Variants in NCAM2 observed in about 807,000 individuals in gnomAD.
The protein encoded by NCAM2 is N-CAM-2.
A neutral mutation model predicts 98.1 loss-of-function variants in NCAM2; 30 were observed. That is an observed-to-expected ratio of 0.31 (90% CI 0.23 to 0.41). NCAM2 has a LOEUF of 0.41. Among genes scored for constraint, NCAM2 ranks in the 10% least tolerant of loss-of-function variants. The probability of loss-of-function intolerance (pLI) is 1.00; values close to 1 mark genes in which losing one functional copy is unlikely to be tolerated. For missense variants in NCAM2, 867 were observed against 1,005.8 expected, an observed-to-expected ratio of 0.86 and a Z score of 1.87; for synonymous variants, 368 against 342.4, an observed-to-expected ratio of 1.07 and a Z score of -0.83.
At chr21:21,049,221 T>G (rs1180836055) in intron 1 of NCAM2, among the ~76,000 whole-genome samples, 2 of 145,448 alleles carry the variant, frequency 1.4e-5, no homozygotes, top group Non-Finnish European at 3.0e-5. Context: ...GGGTTTCACC[T>G]TGTTAGCCAG....
intron 4 of NCAM2, among the ~76,000 whole-genome samples, chr21:21,289,564 GA>G (rs918037083): frequency 9.9e-5 from 15 of 151,906 alleles, no homozygotes; most frequent in African/African-American, 3.4e-4. Context: ...GCCCAGAGGT[GA>G]AAAGCAGCAT....
chr21:21,230,899 C>T (rs2070595666), intron 1 of NCAM2, among the ~76,000 whole-genome samples: 1 of 151,288 alleles, frequency 6.6e-6, no homozygotes, highest in Non-Finnish European at 1.5e-5. Context: ...CCTACCTTCT[C>T]CCTGTAGTTG....
intron 5 of NCAM2, among the ~76,000 whole-genome samples, chr21:21,308,104 A>G (rs951576080): frequency 3.8e-4 from 57 of 151,872 alleles, no homozygotes; most frequent in Admixed American, 2.0e-4. Context: ...CACTATGTAT[A>G]GATTCAAACT....
intron 17 of NCAM2, among the ~76,000 whole-genome samples, chr21:21,535,719 TAA>T (rs1392637129): frequency 4.6e-5 from 7 of 152,086 alleles, no homozygotes; most frequent in Non-Finnish European, 1.0e-4. Flanking sequence ...ACTTTAGAAA[TAA>T]GAGGTGTACA....
intron 1 of NCAM2, among the ~76,000 whole-genome samples, chr21:21,236,732 A>G (rs1032709642): frequency 2.7e-5 from 4 of 148,202 alleles, no homozygotes; most frequent in African/African-American, 1.0e-4. Flanking sequence ...CCCATGAGAT[A>G]GATTCTCAGA....
At position 21,225,262 on chromosome 21, in the gene NCAM2, C is replaced by G. The variant is rs78139844; in HGVS notation, c.56-55316C>G. On this transcript the variant is annotated intron_variant, in intron 1 of 17. Coordinates refer to ENST00000400546, the MANE Select transcript of NCAM2 (RefSeq NM_004540.5). ...CACACACTGGGGCTTGTCAGGGGGT[C>G]GGGAGGGAGAGCATTAGGAAAGATA... Among the ~76,000 whole-genome samples, 61 of 151,808 alleles carry G rather than the reference C, an allele frequency of 4.0e-4. No homozygotes were observed. In the East Asian group the frequency reaches 0.011, roughly 28 times the overall value.
chr21:21,064,173 G>C (rs1037278049), intron 1 of NCAM2, among the ~76,000 whole-genome samples: 1 of 152,166 alleles, frequency 6.6e-6, no homozygotes, highest in Non-Finnish European at 1.5e-5. Flanking sequence ...AGGCTTTGAG[G>C]CTGGAGATAT....
At chr21:21,139,508 T>C (rs1325581044) in intron 1 of NCAM2, among the ~76,000 whole-genome samples, 1 of 152,204 alleles carries the variant, frequency 6.6e-6, no homozygotes, top group African/African-American at 2.4e-5. Flanking sequence ...GTTTTCTTTA[T>C]AGAATACAAG....
At chr21:21,225,490 T>C (rs1345636856) in intron 1 of NCAM2, among the ~76,000 whole-genome samples, 1 of 152,128 alleles carries the variant, frequency 6.6e-6, no homozygotes, top group African/African-American at 2.4e-5. Context: ...GTTTATAGAA[T>C]TTCTCAAAGC....
chr21:21,418,687 A>C (rs1346586579), intron 11 of NCAM2, 118 bp downstream of exon 11: 1 of 779,276 alleles, frequency 1.3e-6, no homozygotes, highest in Non-Finnish European at 2.3e-6. Context: ...GATCTCTTGG[A>C]GATATCAGGT....
chr21:21,276,297 A>T (rs187965036), intron 1 of NCAM2, among the ~76,000 whole-genome samples: 45 of 152,172 alleles, frequency 3.0e-4, no homozygotes, highest in Admixed American at 1.2e-3. Context: ...TAGAAGAGGG[A>T]TTTGCAAAAT....
chr21:21,282,576 A>G (rs919965721), intron 2 of NCAM2, among the ~76,000 whole-genome samples: 1 of 151,740 alleles, frequency 6.6e-6, no homozygotes, highest in Non-Finnish European at 1.5e-5. Flanking sequence ...TTCTACTACA[A>G]TGCTGACAAT....
intron 1 of NCAM2, among the ~76,000 whole-genome samples, chr21:21,109,718 A>G (rs2066418473): frequency 6.6e-6 from 1 of 152,170 alleles, no homozygotes; most frequent in South Asian, 2.1e-4. Flanking sequence ...TGATTCAATT[A>G]CAATAGTATT....
intron 1 of NCAM2, among the ~76,000 whole-genome samples, chr21:21,142,501 C>T (rs898416803): frequency 2.0e-5 from 3 of 150,948 alleles, no homozygotes; most frequent in African/African-American, 7.3e-5. Flanking sequence ...GCCTCAGACT[C>T]CGGAGTAGCT....
At chr21:21,519,175 A>G (rs1359777811) in intron 16 of NCAM2, among the ~76,000 whole-genome samples, 1 of 152,140 alleles carries the variant, frequency 6.6e-6, no homozygotes, top group Non-Finnish European at 1.5e-5. Context: ...GTATTATTCC[A>G]TCTTCTTGGG....
chr21:21,057,783 T>C (rs1217871721), intron 1 of NCAM2, among the ~76,000 whole-genome samples: 2 of 152,128 alleles, frequency 1.3e-5, no homozygotes, highest in Admixed American at 6.6e-5. Context: ...GGATATCATC[T>C]ACCTGTGCTC....
chr21:21,460,932 TAA>T (rs11308060), intron 12 of NCAM2, among the ~76,000 whole-genome samples: 14 of 148,574 alleles, frequency 9.4e-5, no homozygotes, highest in Admixed American at 4.7e-4. Context: ...TTCACCTGGC[TAA>T]AAAAAAAAAA....
intron 1 of NCAM2, chr21:21,210,786 T>A: frequency 2.2e-6 from 1 of 459,090 alleles, no homozygotes; most frequent in Non-Finnish European, 3.4e-6. Flanking sequence ...TTACTAGAAC[T>A]CCCCTAGAGG....
At chr21:21,249,012 A>G (rs1272518138) in intron 1 of NCAM2, among the ~76,000 whole-genome samples, 1 of 152,048 alleles carries the variant, frequency 6.6e-6, no homozygotes, top group East Asian at 1.9e-4. Flanking sequence ...AAGGTCAGAT[A>G]ATGCTAATGT....
Sources: gnomAD v4.1 joint callset for allele counts (sites outside exome capture counted in the v4.1 genomes callset) on GRCh38, gnomAD v4.1.1 for gene constraint, MANE v1.5 for transcripts, NCBI Gene and HGNC (gene_info 2026-07-23, HGNC 2026-07-21) for gene names.